GNG7: variants seen among roughly 807,000 people sequenced by gnomAD.
GNG7 encodes guanine nucleotide-binding protein G(I)/G(S)/G(O) subunit gamma-7.
A neutral mutation model predicts 4.0 loss-of-function variants in GNG7; 1 was observed. That is an observed-to-expected ratio of 0.25 (90% CI 0.09 to 1.18). The LOEUF is 1.18. GNG7 is among the 50% of genes most tolerant of loss of function. GNG7 has a pLI of 0.50. For missense variants in GNG7, 86 were observed against 91.9 expected, an observed-to-expected ratio of 0.94 and a Z score of 0.26; for synonymous variants, 34 against 36.9, an observed-to-expected ratio of 0.92 and a Z score of 0.29.
chr19:2,587,579 G>A (rs534949045), intron 2 of GNG7, among the ~76,000 whole-genome samples: 2 of 152,138 alleles, frequency 1.3e-5, no homozygotes, highest in Non-Finnish European at 2.9e-5. Flanking sequence ...ACCTTGTAAC[G>A]GCCACAAACG....
At chr19:2,699,805 G>T (rs934583202) in intron 1 of GNG7, among the ~76,000 whole-genome samples, 2 of 152,146 alleles carry the variant, frequency 1.3e-5, no homozygotes, top group Admixed American at 1.3e-4. Context: ...CCAAATGTCC[G>T]CAGCGCTGGG....
At chr19:2,684,652 ACTC>A (rs1448274357) in intron 1 of GNG7, among the ~76,000 whole-genome samples, 1 of 152,098 alleles carries the variant, frequency 6.6e-6, no homozygotes, top group East Asian at 1.9e-4. Context: ...TCCGTGATCC[ACTC>A]CTAAGAGGTT....
In GNG7 at chr19:2,557,976, G is replaced by A. The variant is rs1447179404; in HGVS notation, c.-77-2788C>T. On this transcript the variant is annotated intron_variant, in intron 2 of 4. Transcript: ENST00000382159. The surrounding 1 kb of genome is among the most constrained non-coding windows in gnomAD (Gnocchi z 5.1). The stretch of plus-strand genomic sequence containing the variant: ...CCTGCCTCAGCCTCTCAAGTAGCTG[G>A]GACTACAGGCACGGGCCACCAGGCC... Among the ~76,000 whole-genome samples the A allele has an allele frequency of 6.6e-6, 1 of 151,924 alleles. No homozygotes were observed. Among genetic ancestry groups the A allele is most frequent in the Non-Finnish European group, 1.5e-5 (1 of 67,990 alleles).
At chr19:2,679,126 C>A (rs574163133) in intron 1 of GNG7, among the ~76,000 whole-genome samples, 126 of 152,284 alleles carry the variant, frequency 8.3e-4, no homozygotes, top group Non-Finnish European at 1.3e-3. Flanking sequence ...TAGCTCACTG[C>A]AGCCTCAACT....
At chr19:2,668,453 G>A (rs1983366877) in intron 1 of GNG7, among the ~76,000 whole-genome samples, 1 of 152,180 alleles carries the variant, frequency 6.6e-6, no homozygotes, top group Non-Finnish European at 1.5e-5. Flanking sequence ...CAGTGGCTGG[G>A]CGGTTGGTCT....
intron 3 of GNG7, among the ~76,000 whole-genome samples, chr19:2,530,645 G>A (rs959688653): frequency 2.0e-5 from 3 of 151,630 alleles, no homozygotes; most frequent in Non-Finnish European, 2.9e-5. Context: ...ACTTAAACCC[G>A]GGAGGCAGAG....
chr19:2,598,259 A>C (rs2907922), intron 2 of GNG7, among the ~76,000 whole-genome samples: 92,269 of 151,598 alleles, frequency 0.61, 30,366 homozygotes, highest in Non-Finnish European at 0.76. Flanking sequence ...GCGGTGGCTC[A>C]TATCTGTTAA....
intron 2 of GNG7, among the ~76,000 whole-genome samples, chr19:2,560,745 T>C (rs867307773): frequency 3.6e-4 from 54 of 151,996 alleles, no homozygotes; most frequent in Non-Finnish European, 5.6e-4. Flanking sequence ...TCACTTGATG[T>C]CAGGAGTTCG....
At chr19:2,651,534 C>G (rs191076262) in intron 1 of GNG7, among the ~76,000 whole-genome samples, 167 of 143,908 alleles carry the variant, frequency 1.2e-3, no homozygotes, top group African/African-American at 4.3e-3. Flanking sequence ...TTTCTTCTTT[C>G]TCTTTCTTTT....
chr19:2,624,998 C>T (rs977781280), intron 2 of GNG7, among the ~76,000 whole-genome samples: 2 of 152,216 alleles, frequency 1.3e-5, no homozygotes, highest in African/African-American at 4.8e-5. Context: ...CAGGGGTGGA[C>T]GCCTGTGGTT....
intron 2 of GNG7, among the ~76,000 whole-genome samples, chr19:2,572,638 G>A (rs1468098606): frequency 6.8e-6 from 1 of 147,554 alleles, no homozygotes; most frequent in African/African-American, 2.5e-5. Flanking sequence ...CTGTTGCCCA[G>A]GCCGGACTAC....
At position 2,514,746 on chromosome 19, in the gene GNG7, G is replaced by A. The variant is rs1430230344; in HGVS notation, c.*276C>T. 1.5e-5 allele frequency: 4 copies of A among 262,450 alleles called. No homozygotes were observed. Among genetic ancestry groups the A allele is most frequent in the East Asian group, 7.2e-5 (1 of 13,910 alleles). 16.3% of individuals were successfully genotyped at this position (262,450 alleles called of 1,614,324 possible). ...CAGTTATTCCGAACGGGAAGTGGCCGTAAAGCCTCCATCCCTTTTGGCCCA... is the reference window on the plus strand; with the variant it reads ...CAGTTATTCCGAACGGGAAGTGGCCATAAAGCCTCCATCCCTTTTGGCCCA... On this transcript the variant is annotated 3_prime_UTR_variant, in exon 5 of 5. Transcript: ENST00000382159.
chr19:2,543,394 A>T lies in GNG7; in HGVS notation c.-38+11755T>A, dbSNP rs561531183. Among the ~76,000 whole-genome samples, 5 of 151,326 alleles carry T rather than the reference A, an allele frequency of 3.3e-5. No individual in the cohort carries two copies. In the East Asian group the frequency reaches 9.8e-4, roughly 30 times the overall value. ...CACCACCATGCCCGGCTAATTTTTA[A>T]TATTTTTTCTTTTAGAGCTGGGGCC... On this transcript the variant is annotated intron_variant, in intron 3 of 4. Transcript: ENST00000382159.
intron 2 of GNG7, among the ~76,000 whole-genome samples, chr19:2,564,399 G>A (rs1030115408): frequency 6.6e-6 from 1 of 152,036 alleles, no homozygotes; most frequent in Non-Finnish European, 1.5e-5. Context: ...TGGCCAACGT[G>A]GTGAAACCCC....
intron 3 of GNG7, among the ~76,000 whole-genome samples, chr19:2,545,879 C>T (rs995909230): frequency 2.6e-5 from 4 of 151,700 alleles, no homozygotes; most frequent in South Asian, 4.1e-4. Context: ...TGCTTGAACC[C>T]GGGAGGTAAA....
At chr19:2,552,816 C>G (rs374336283) in intron 3 of GNG7, among the ~76,000 whole-genome samples, 1 of 147,566 alleles carries the variant, frequency 6.8e-6, no homozygotes, top group African/African-American at 2.5e-5. Context: ...AAAAGTAATG[C>G]GTTTGAATCG....
chr19:2,653,576 C>A lies in GNG7; in HGVS notation c.-134-7296G>T, dbSNP rs757782083. Among the ~76,000 whole-genome samples, 41 of 152,192 alleles carry A rather than the reference C, an allele frequency of 2.7e-4. No individual in the cohort carries two copies. The highest frequency in any genetic ancestry group is 1.3e-4 in the Non-Finnish European group (9 of 68,034). On this transcript the variant is annotated intron_variant, in intron 1 of 4. Transcript: ENST00000382159. This position sits in a 1 kb window ranked among gnomAD's most constrained non-coding sequence, Gnocchi z 4.8. Reference sequence around the variant, plus strand: ...ATTTTTTTCCAGATGAATGTAGGGTCTCCCCCTCGGCACTGTGGGCATTGG... The same window carrying A: ...ATTTTTTTCCAGATGAATGTAGGGTATCCCCCTCGGCACTGTGGGCATTGG...
At chr19:2,646,152 G>C (rs1170158493) in intron 2 of GNG7, 72 bp downstream of exon 2, 1 of 152,224 alleles carries the variant, frequency 6.6e-6, no homozygotes, top group Non-Finnish European at 1.5e-5. Flanking sequence ...GCAACCCCAC[G>C]TCTTACATCC....
At chr19:2,560,222 C>T (rs757516198) in intron 2 of GNG7, among the ~76,000 whole-genome samples, 2 of 152,096 alleles carry the variant, frequency 1.3e-5, no homozygotes, top group South Asian at 4.1e-4. Flanking sequence ...ATACGGACTC[C>T]GTGAATGACA....
Sources: allele counts gnomAD v4.1 joint callset (sites outside exome capture counted in the v4.1 genomes callset), GRCh38; gene constraint gnomAD v4.1.1; non-coding constraint Gnocchi (gnomAD v3.1); transcripts MANE v1.5; gene names NCBI Gene and HGNC (gene_info 2026-07-23, HGNC 2026-07-21).